TET1: variants seen among roughly 807,000 people sequenced by gnomAD.
The protein encoded by TET1 is methylcytosine dioxygenase TET1.
Under a neutral mutation model 148.7 loss-of-function variants are expected in TET1, and 13 were observed. The ratio of observed to expected loss-of-function variants is 0.09; its 90% CI spans 0.06 to 0.14. TET1 has a LOEUF of 0.14. Ranked by LOEUF, TET1 falls within the 10% of genes least tolerant of loss-of-function variation. TET1 has a pLI of 1.00. For missense variants in TET1, 2,182 were observed against 2,553.8 expected (o/e 0.85, Z 3.14); for synonymous variants, 907 against 937.2 (o/e 0.97, Z 0.59).
chr10:68,572,689 AC>A lies in TET1; in HGVS notation c.356del (p.Pro119HisfsTer4). The A allele has an allele frequency of 6.2e-7, 1 of 1,613,806 alleles. No individual in the cohort carries two copies. The highest frequency in any genetic ancestry group is 8.5e-7 in the Non-Finnish European group (1 of 1,179,968). On this transcript the variant is annotated frameshift_variant, in exon 2 of 12. Coordinates refer to ENST00000373644, the MANE Select transcript of TET1 (RefSeq NM_030625.3). LOFTEE classifies it high-confidence loss of function. ...STSLSRRLSQ[P>X]PLVVAKSKKV... is the part of the protein sequence containing the mutation. ...CCTCTCTTAGCAGGCGACTCTCCCA[AC>A]CCCCACTGGTCGTAGCCAAATCCAA...
Position 68,646,423 on chromosome 10 carries a change from C to A in TET1, c.3694C>A (p.Pro1232Thr). Reference sequence around the variant, plus strand: ...GGCTCAAACGAGGTCCATTATGCAACCCAAAACAGTATTTCCACCACTCAC... The same window carrying A: ...GGCTCAAACGAGGTCCATTATGCAAACCAAAACAGTATTTCCACCACTCAC... ...PLAQTRSIMQ[P>T]KTVFPPLTQI... The change falls in exon 4 of 12, where the codon CCC (proline) becomes ACC (threonine). Residue 1232 changes from proline (P) to threonine (T), a missense_variant. This residue lies in a region of TET1 where 582 missense variants were observed against 599.5 expected (regional missense o/e 0.97). Coordinates refer to ENST00000373644, the MANE Select transcript of TET1 (RefSeq NM_030625.3). 3.1e-6 allele frequency: 5 copies of A among 1,614,100 alleles called. No individual in the cohort carries two copies. Among genetic ancestry groups the A allele is most frequent in the Non-Finnish European group, 4.2e-6 (5 of 1,180,018 alleles).
chr10:68,683,568 A>G (rs915644479), intron 10 of TET1, among the ~76,000 whole-genome samples: 1 of 151,122 alleles, frequency 6.6e-6, no homozygotes, highest in Non-Finnish European at 1.5e-5. Context: ...GTGAGTCACC[A>G]CGCCCAGCCA....
chr10:68,660,433 G>C (rs749386857), intron 6 of TET1, among the ~76,000 whole-genome samples: 1 of 147,172 alleles, frequency 6.8e-6, no homozygotes, highest in Non-Finnish European at 1.5e-5. Context: ...ACCATCTCCT[G>C]GTTTCAAGCG....
Position 68,651,792 on chromosome 10 carries a change from TC to T in TET1, c.4277-50del, listed in dbSNP as rs967118782. On this transcript the variant is annotated intron_variant, in intron 4 of 11. Transcript: ENST00000373644. ...AAAAGTATAAAAGTAGCTTCTCCTGTCCCCTATGCAATTCTGTAAAGCTTTG... is the reference window on the plus strand; with the variant it reads ...AAAAGTATAAAAGTAGCTTCTCCTGTCCCTATGCAATTCTGTAAAGCTTTG... 251 of 1,322,840 alleles carry T rather than the reference TC, an allele frequency of 1.9e-4. 2 individuals carry two copies. The highest frequency in any genetic ancestry group is 5.7e-4 in the Middle Eastern group (3 of 5,288). 81.9% of individuals were successfully genotyped at this position (1,322,840 alleles called of 1,614,324 possible). A position where few individuals can be genotyped will look rare whatever the true frequency, so the allele number is the denominator to read the frequency against.
At chr10:68,574,440 T>A (rs1471765115) in intron 2 of TET1, among the ~76,000 whole-genome samples, 188 bp downstream of exon 2, 1 of 152,214 alleles carries the variant, frequency 6.6e-6, no homozygotes, top group Non-Finnish European at 1.5e-5. Context: ...CTGAAGTATG[T>A]CTTGTGCAGT....
intron 2 of TET1, among the ~76,000 whole-genome samples, chr10:68,596,065 GTC>G (rs1464129318): frequency 1.6e-5 from 2 of 124,866 alleles, no homozygotes; most frequent in Non-Finnish European, 3.3e-5. Context: ...TTTTGAGACA[GTC>G]TCTTCCTGTT....
chr10:68,622,235 T>TTCCTTCCC (rs2054387511), intron 3 of TET1, among the ~76,000 whole-genome samples: 1 of 104,654 alleles, frequency 9.6e-6, no homozygotes, highest in Non-Finnish European at 1.9e-5. Context: ...CCTTCCTCCC[T>TTCCTTCCC]TCCCTCCCTC....
At position 68,686,601 on chromosome 10, in the gene TET1, T is replaced by C; in HGVS notation, c.5298T>C (p.Leu1766=). 6.2e-7 allele frequency: 1 copy of C among 1,614,178 alleles called. No individual in the cohort carries two copies. Among genetic ancestry groups the C allele is most frequent in the East Asian group, 2.2e-5 (1 of 44,878 alleles). The change falls in exon 11 of 12, where the codon CTT becomes CTC. Residue 1766 remains leucine (L), a synonymous_variant. Transcript: ENST00000373644. ...GGGCTGCGATGATGACAGAGGTTCT[T>C]GCACATAAGATAAGGGCAGTGGAAA... ...KKRAAMMTEV[L]AHKIRAVEKK...
intron 8 of TET1, among the ~76,000 whole-genome samples, chr10:68,673,853 A>G (rs2133198403): frequency 6.6e-6 from 1 of 152,040 alleles, no homozygotes; most frequent in East Asian, 1.9e-4. Flanking sequence ...CAGTAACATC[A>G]AAATATTTAA....
chr10:68,611,853 GGAGAGAGGGAGAGA>G (rs1424298361), intron 3 of TET1, among the ~76,000 whole-genome samples: 2 of 94,770 alleles, frequency 2.1e-5, no homozygotes, highest in Non-Finnish European at 4.8e-5. Flanking sequence ...GGGGGGGTGG[GGAGAGAGGGAGAGA>G]GAGAGAGAGA....
Position 68,688,865 on chromosome 10 carries a change from CAA to C in TET1, c.5405-1940_5405-1939del, listed in dbSNP as rs553685417. On this transcript the variant is annotated intron_variant, in intron 11 of 11. Transcript: ENST00000373644. ...AAAATCATGAATTCATACTGACACT[CAA>C]AATTAACATTATAATGTATTCCTTA... Among the ~76,000 whole-genome samples the C allele has an allele frequency of 2.6e-4, 40 of 152,280 alleles. No homozygotes were observed. The East Asian group carries it at 4.6e-3, about 18-fold the overall frequency.
At chr10:68,688,592 G>A (rs1019978627) in intron 11 of TET1, among the ~76,000 whole-genome samples, 1 of 151,784 alleles carries the variant, frequency 6.6e-6, no homozygotes, top group Non-Finnish European at 1.5e-5. Flanking sequence ...CCGCCACCAC[G>A]CCTGGCTAAT....
chr10:68,661,072 C>T (rs1333409172), intron 6 of TET1, among the ~76,000 whole-genome samples: 3 of 151,830 alleles, frequency 2.0e-5, no homozygotes, highest in Admixed American at 6.6e-5. Context: ...CTCTGTCGCC[C>T]AGGCTGGAGT....
At chr10:68,642,261 T>C (rs185824114) in intron 3 of TET1, among the ~76,000 whole-genome samples, 3 of 152,012 alleles carry the variant, frequency 2.0e-5, no homozygotes, top group Admixed American at 6.6e-5. Context: ...ACCCTGTCTC[T>C]ACAAAAAATA....
intron 3 of TET1, chr10:68,632,370 C>T: frequency 6.3e-7 from 1 of 1,598,796 alleles, no homozygotes; most frequent in Non-Finnish European, 8.6e-7. Flanking sequence ...GAGTAGTCCT[C>T]ATGGCCTCCA....
chr10:68,583,686 G>GACGT (rs2053827120), intron 2 of TET1, among the ~76,000 whole-genome samples: 1 of 152,182 alleles, frequency 6.6e-6, no homozygotes, highest in African/African-American at 2.4e-5. Flanking sequence ...GCCGAGGCAA[G>GACGT]CAGATCATGA....
chr10:68,581,631 C>T (rs1237006095), intron 2 of TET1, among the ~76,000 whole-genome samples: 1 of 152,122 alleles, frequency 6.6e-6, no homozygotes, highest in Non-Finnish European at 1.5e-5. Context: ...TGCTTGAGCC[C>T]TGGCATTGGA....
At chr10:68,571,090 A>T (rs1297033942) in intron 1 of TET1, among the ~76,000 whole-genome samples, 1 of 150,520 alleles carries the variant, frequency 6.6e-6, no homozygotes, top group Non-Finnish European at 1.5e-5. Flanking sequence ...TCCTGGGTTC[A>T]AGAGATTCTC....
Position 68,690,899 on chromosome 10 carries a change from G to T in TET1, c.5496G>T (p.Ser1832=), listed in dbSNP as rs189138926. The stretch of plus-strand genomic sequence containing the variant: ...GTTCAGACAACACTAAAACTTATTC[G>T]CTGATGCCATCCGCTCCTCACCCAG... ...LKSSDNTKTY[S]LMPSAPHPVK... The change falls in exon 12 of 12, where the codon TCG becomes TCT. Residue 1832 remains serine (S), a synonymous_variant. Coordinates refer to ENST00000373644, the MANE Select transcript of TET1 (RefSeq NM_030625.3). The T allele has an allele frequency of 3.1e-6, 5 of 1,614,124 alleles. No homozygotes were observed. Among genetic ancestry groups the T allele is most frequent in the African/African-American group, 1.3e-5 (1 of 75,012 alleles).
Sources: gnomAD v4.1 joint callset for allele counts (sites outside exome capture counted in the v4.1 genomes callset) on GRCh38, gnomAD v4.1.1 for gene constraint, gnomAD v4.1.1 regional missense constraint, MANE v1.5 for transcripts, NCBI Gene and HGNC (gene_info 2026-07-23, HGNC 2026-07-21) for gene names.